Variants in MRTFA observed in about 807,000 individuals in gnomAD.
The protein encoded by MRTFA is myocardin-related transcription factor A.
A neutral mutation model predicts 83.5 loss-of-function variants in MRTFA; 20 were observed. The observed-to-expected ratio is 0.24, with a 90% CI of 0.17 to 0.35. MRTFA has a LOEUF of 0.35. Among genes scored for constraint, MRTFA ranks in the 10% least tolerant of loss-of-function variants. The pLI is 1.00. For synonymous variants in MRTFA, 659 were observed against 541.2 expected (o/e 1.22, Z -3.02); for missense variants, 1,200 against 1,224.7 (o/e 0.98, Z 0.30).
intron 3 of MRTFA, among the ~76,000 whole-genome samples, chr22:40,525,944 T>C (rs985936347): frequency 1.3e-5 from 2 of 151,242 alleles, no homozygotes; most frequent in Admixed American, 6.6e-5. Flanking sequence ...TGCAAATAAG[T>C]GGTATGAAGG....
intron 14 of MRTFA, among the ~76,000 whole-genome samples, chr22:40,413,162 AAAG>A (rs1215481032): frequency 5.6e-4 from 83 of 149,320 alleles, no homozygotes; most frequent in African/African-American, 1.8e-3. Flanking sequence ...AAAAAAAAAA[AAAG>A]GTTATGATGG....
Position 40,418,724 on chromosome 22 carries a change from C to T in MRTFA, c.2014G>A (p.Gly672Ser), listed in dbSNP as rs746642099. 1,099 of 538,750 alleles carry T rather than the reference C, an allele frequency of 2.0e-3. 1 individual carries two copies. The highest frequency in any genetic ancestry group is 5.2e-3 in the Middle Eastern group (7 of 1,344). 33.4% of individuals were successfully genotyped at this position (538,750 alleles called of 1,614,324 possible). The change falls in exon 12 of 15, where the codon GGC (glycine) becomes AGC (serine). Residue 672 changes from glycine to serine, a missense_variant. Gly to Ser is a moderately conservative substitution (Grantham distance 56). Around this residue, in one of 2 missense-constraint regions of MRTFA, gnomAD observed 1,107 missense variants for 1,041.8 expected, o/e 1.06. Coordinates refer to ENST00000355630, the MANE Select transcript of MRTFA (RefSeq NM_020831.6). ...CTGTTCTCCTGCTTCACGGGGGTGC[C>T]GAGGGGGGCGGGGGCGGGGGCGGGC... is the stretch of plus-strand genomic sequence containing the variant.
intron 1 of MRTFA, among the ~76,000 whole-genome samples, chr22:40,605,544 C>T (rs74686940): frequency 3.9e-5 from 6 of 152,096 alleles, no homozygotes; most frequent in Non-Finnish European, 7.4e-5. Flanking sequence ...GAAAAACCAC[C>T]GCAGGTAAGA....
At chr22:40,550,845 CTTTTTTCTTT>C (rs1569323975) in intron 3 of MRTFA, among the ~76,000 whole-genome samples, 2 of 72,490 alleles carry the variant, frequency 2.8e-5, no homozygotes, top group Admixed American at 1.3e-4. Flanking sequence ...TCCATTTTTT[CTTTTTTCTTT>C]TTTTTTTTTT....
chr22:40,625,448 T>A (rs574452648), intron 1 of MRTFA, among the ~76,000 whole-genome samples: 3,822 of 133,000 alleles, frequency 0.029, 86 homozygotes, highest in Middle Eastern at 0.074. Context: ...AGGCCCTCTC[T>A]CTAAATAAAT....
intron 2 of MRTFA, among the ~76,000 whole-genome samples, chr22:40,571,334 G>A (rs559972598): frequency 2.0e-5 from 3 of 152,096 alleles, no homozygotes; most frequent in East Asian, 3.9e-4. Flanking sequence ...AGAAAATACA[G>A]GTATAATCTT....
chr22:40,484,171 A>C (rs1261592034), intron 3 of MRTFA, among the ~76,000 whole-genome samples: 1 of 152,134 alleles, frequency 6.6e-6, no homozygotes, highest in Non-Finnish European at 1.5e-5. Flanking sequence ...ATAAAGAAAA[A>C]AAAAACAGTA....
At chr22:40,579,828 C>T (rs1368627990) in intron 2 of MRTFA, among the ~76,000 whole-genome samples, 1 of 151,236 alleles carries the variant, frequency 6.6e-6, no homozygotes, top group African/African-American at 2.4e-5. Context: ...CCATTGCACT[C>T]CAGCCTGGGC....
chr22:40,436,912 C>G (rs942012981), intron 4 of MRTFA, among the ~76,000 whole-genome samples: 9 of 152,156 alleles, frequency 5.9e-5, no homozygotes. Context: ...CTGCCTGGGC[C>G]GTTGTGCTTC....
chr22:40,420,602 C>T lies in MRTFA; in HGVS notation c.1182-26G>A, dbSNP rs776431331. 17 of 1,609,784 alleles carry T rather than the reference C, an allele frequency of 1.1e-5. No individual in the cohort carries two copies. The South Asian group carries it at 1.9e-4, about 18-fold the overall frequency. On this transcript the variant is annotated intron_variant, in intron 10 of 14. Coordinates refer to ENST00000355630, the MANE Select transcript of MRTFA (RefSeq NM_020831.6). ...CTGGGAAGAAAAGGCAGAAATTAGC[C>T]CCATCCAGCTTCGCCCGTGGCCTCT...
intron 2 of MRTFA, among the ~76,000 whole-genome samples, chr22:40,578,180 C>G (rs1415212599): frequency 6.6e-6 from 1 of 152,084 alleles, no homozygotes; most frequent in Non-Finnish European, 1.5e-5. Flanking sequence ...TCTCGAACTC[C>G]TGACCTCAAG....
chr22:40,470,522 G>A (rs572059350), intron 3 of MRTFA, among the ~76,000 whole-genome samples: 8 of 151,150 alleles, frequency 5.3e-5, no homozygotes, highest in Non-Finnish European at 7.4e-5. Flanking sequence ...AAATACATGC[G>A]GTAAGCCTTT....
intron 4 of MRTFA, among the ~76,000 whole-genome samples, chr22:40,443,521 T>C (rs971648323): frequency 8.0e-5 from 12 of 150,890 alleles, no homozygotes; most frequent in Non-Finnish European, 1.2e-4. Flanking sequence ...AAGCTGAAGA[T>C]GTTGGCAACC....
At chr22:40,574,943 C>T (rs1407212933) in intron 2 of MRTFA, among the ~76,000 whole-genome samples, 2 of 152,180 alleles carry the variant, frequency 1.3e-5, no homozygotes, top group Non-Finnish European at 2.9e-5. Context: ...TCAGGGACCA[C>T]CAGCAGTCCA....
Position 40,421,079 on chromosome 22 carries a change from T to C in MRTFA, c.949A>G (p.Ser317Gly). ...TTCTTGCTGCGCTGTGACTTCTCAC[T>C]GGCAGACTTGGGTTGGCTTTGCTGA... The change falls in exon 10 of 15, where the codon AGT becomes GGT. Residue 317 changes from serine to glycine, a missense_variant. Around this residue, in one of 2 missense-constraint regions of MRTFA, gnomAD observed 1,107 missense variants for 1,041.8 expected, o/e 1.06. Coordinates refer to ENST00000355630, the MANE Select transcript of MRTFA (RefSeq NM_020831.6). The C allele has an allele frequency of 1.3e-6, 2 of 1,536,716 alleles. No individual in the cohort carries two copies. The highest frequency in any genetic ancestry group is 1.8e-6 in the Non-Finnish European group (2 of 1,139,446).
At chr22:40,457,488 A>AAGAG (rs55710929) in intron 4 of MRTFA, among the ~76,000 whole-genome samples, 4 of 126,596 alleles carry the variant, frequency 3.2e-5, no homozygotes, top group Non-Finnish European at 7.2e-5. Context: ...GAAAGAAAGA[A>AAGAG]GGAAAGAAAG....
intron 3 of MRTFA, among the ~76,000 whole-genome samples, chr22:40,490,216 C>T (rs1038019245): frequency 6.6e-6 from 1 of 152,150 alleles, no homozygotes; most frequent in African/African-American, 2.4e-5. Flanking sequence ...AAATAATCTT[C>T]CCTTTAATGT....
chr22:40,430,208 C>T (rs1281739174), intron 6 of MRTFA, among the ~76,000 whole-genome samples: 2 of 152,196 alleles, frequency 1.3e-5, no homozygotes, highest in Admixed American at 1.3e-4. Flanking sequence ...AGACAAACGG[C>T]TGGGCGTGGT....
intron 1 of MRTFA, among the ~76,000 whole-genome samples, chr22:40,603,571 C>T (rs914653863): frequency 1.2e-4 from 18 of 152,172 alleles, no homozygotes; most frequent in African/African-American, 4.1e-4. Context: ...CCGGCATCTA[C>T]ACTGAGATTC....
Sources: gnomAD v4.1 joint callset for allele counts (sites outside exome capture counted in the v4.1 genomes callset) on GRCh38, gnomAD v4.1.1 for gene constraint, gnomAD v4.1.1 regional missense constraint, MANE v1.5 for transcripts, NCBI Gene and HGNC (gene_info 2026-07-23, HGNC 2026-07-21) for gene names.